CNOT6: variants seen among roughly 807,000 people sequenced by gnomAD.
CNOT6 encodes the protein CCR4-NOT transcription complex subunit 6, also known as carbon catabolite repression 4 protein.
A neutral mutation model predicts 61.2 loss-of-function variants in CNOT6; 12 were observed. The observed-to-expected ratio is 0.20, with a 90% confidence interval of 0.13 to 0.32. The LOEUF is 0.32. CNOT6 is among the 10% of genes least tolerant of loss of function. The pLI, the probability that CNOT6 is intolerant of heterozygous loss-of-function variation, is 1.00. For missense variants in CNOT6, 405 were observed against 663.9 expected, an observed-to-expected ratio of 0.61 and a Z score of 4.28; for synonymous variants, 225 against 240.6, an observed-to-expected ratio of 0.94 and a Z score of 0.60.
chr5:180,573,960 G>A, intron 11 of CNOT6, 28 bp from the exon 12 acceptor site: 1 of 1,473,456 alleles, frequency 6.8e-7, no homozygotes, highest in Non-Finnish European at 9.5e-7. Flanking sequence ...CTTATACGGT[G>A]CTTATCTTTT....
At chr5:180,526,982 C>A (rs113759387) in intron 1 of CNOT6, among the ~76,000 whole-genome samples, 2 of 151,538 alleles carry the variant, frequency 1.3e-5, no homozygotes, top group African/African-American at 4.8e-5. Context: ...TGGGTTCAAG[C>A]GATCCTCCCA....
chr5:180,564,420 G>A, intron 4 of CNOT6, 69 bp from the exon 5 acceptor site: 1 of 1,000,534 alleles, frequency 1.0e-6, no homozygotes, highest in Non-Finnish European at 1.6e-6. Flanking sequence ...TGATAATTTT[G>A]ATACATTTTA....
intron 2 of CNOT6, among the ~76,000 whole-genome samples, chr5:180,531,318 G>T (rs113327782): frequency 6.7e-6 from 1 of 150,364 alleles, no homozygotes; most frequent in Non-Finnish European, 1.5e-5. Flanking sequence ...GGTAGCGGTC[G>T]GGCAGAGACA....
At chr5:180,495,978 T>C (rs1756595794) in intron 1 of CNOT6, among the ~76,000 whole-genome samples, 1 of 152,184 alleles carries the variant, frequency 6.6e-6, no homozygotes, top group Admixed American at 6.5e-5. Flanking sequence ...GTGGCACAGT[T>C]CTCGGCTCAC....
At chr5:180,509,126 A>T (rs1471324609) in intron 1 of CNOT6, among the ~76,000 whole-genome samples, 1 of 150,182 alleles carries the variant, frequency 6.7e-6, no homozygotes, top group Non-Finnish European at 1.5e-5. Context: ...GGCCTATTTT[A>T]TTTTATTTTT....
Position 180,571,348 on chromosome 5 carries a change from T to C in CNOT6, c.1377T>C (p.Asn459=), listed in dbSNP as rs951305900. 1 of 1,614,098 alleles carries C rather than the reference T, an allele frequency of 6.2e-7. No individual in the cohort carries two copies. The highest frequency in any genetic ancestry group is 1.7e-5 in the Admixed American group (1 of 60,026). Residue 459 remains asparagine (N), a synonymous_variant, in exon 11 of 12, where the codon AAT becomes AAC. Coordinates refer to ENST00000261951, the MANE Select transcript of CNOT6 (RefSeq NM_001370472.1). The part of the protein sequence containing the change: ...FSCHGKNGTT[N]GRITHGFKLQ... ...GTCATGGGAAGAATGGAACCACCAA[T>C]GGAAGGATCACTCATGGTTTCAAGT...
chr5:180,507,032 T>G (rs888475280), intron 1 of CNOT6, among the ~76,000 whole-genome samples: 1 of 152,096 alleles, frequency 6.6e-6, no homozygotes, highest in African/African-American at 2.4e-5. Flanking sequence ...ACTTCTGTGT[T>G]TGGGAGGGAT....
chr5:180,571,392 G>A lies in CNOT6; in HGVS notation c.1421G>A (p.Ser474Asn). 1 of 1,614,180 alleles carries A rather than the reference G, an allele frequency of 6.2e-7. No individual in the cohort carries two copies. The highest frequency in any genetic ancestry group is 2.2e-5 in the East Asian group (1 of 44,876). Residue 474 changes from serine (S) to asparagine (N), a missense_variant, in exon 11 of 12, where the codon AGT (serine) becomes AAT (asparagine). By Grantham distance (46) the Ser-to-Asn change is conservative. Coordinates refer to ENST00000261951, the MANE Select transcript of CNOT6 (RefSeq NM_001370472.1). ...TTCAAGTTACAGAGTGCCTATGAGA[G>A]TGGCCTGATGCCTTACACGAATTAC... ...HGFKLQSAYE[S>N]GLMPYTNYTF... is the part of the protein sequence containing the mutation.
intron 4 of CNOT6, among the ~76,000 whole-genome samples, chr5:180,560,519 C>A (rs919152479): frequency 6.6e-6 from 1 of 152,050 alleles, no homozygotes; most frequent in Non-Finnish European, 1.5e-5. Context: ...ACAGTTCTTT[C>A]GACACCTGAA....
intron 11 of CNOT6, among the ~76,000 whole-genome samples, chr5:180,573,226 C>T (rs1304084486): frequency 6.6e-6 from 1 of 152,076 alleles, no homozygotes; most frequent in Non-Finnish European, 1.5e-5. Context: ...AGGACCAGAA[C>T]CATCAGATGG....
At chr5:180,523,050 C>T (rs1202108574) in intron 1 of CNOT6, among the ~76,000 whole-genome samples, 1 of 152,092 alleles carries the variant, frequency 6.6e-6, no homozygotes, top group Non-Finnish European at 1.5e-5. Flanking sequence ...TGGGACTCAG[C>T]CCATAATCTC....
At chr5:180,496,826 G>A (rs1756633744) in intron 1 of CNOT6, among the ~76,000 whole-genome samples, 1 of 152,188 alleles carries the variant, frequency 6.6e-6, no homozygotes, top group Admixed American at 6.5e-5. Flanking sequence ...CTTGATAGTG[G>A]TGATGCAGCC....
chr5:180,539,295 C>A (rs533220024), intron 2 of CNOT6, among the ~76,000 whole-genome samples: 2,316 of 136,090 alleles, frequency 0.017, 23 homozygotes, highest in South Asian at 0.025. Context: ...AACAAACAAA[C>A]AAAAAAAAAC....
At chr5:180,512,409 G>C (rs1164599436) in intron 1 of CNOT6, among the ~76,000 whole-genome samples, 1 of 152,200 alleles carries the variant, frequency 6.6e-6, no homozygotes, top group Non-Finnish European at 1.5e-5. Flanking sequence ...AAAAGATATA[G>C]AAGGAAATAT....
chr5:180,515,904 A>T (rs2642164), intron 1 of CNOT6, among the ~76,000 whole-genome samples: 151,524 of 151,952 alleles, frequency 1, 75,550 homozygotes, highest in Middle Eastern at 1. Context: ...ATTCAAGATT[A>T]AAAAAAAAAA....
intron 1 of CNOT6, among the ~76,000 whole-genome samples, chr5:180,519,387 T>G (rs1757785318): frequency 6.6e-6 from 1 of 152,210 alleles, no homozygotes; most frequent in South Asian, 2.1e-4. Flanking sequence ...TACTGATAAC[T>G]TTTGCATTAA....
intron 4 of CNOT6, among the ~76,000 whole-genome samples, chr5:180,560,179 T>A (rs1278152053): frequency 6.6e-6 from 1 of 152,120 alleles, no homozygotes; most frequent in Non-Finnish European, 1.5e-5. Context: ...ACTCCTGACC[T>A]CATGATCCAC....
intron 11 of CNOT6, among the ~76,000 whole-genome samples, 182 bp downstream of exon 11, chr5:180,571,614 G>A (rs1760752748): frequency 1.3e-5 from 2 of 152,196 alleles, no homozygotes; most frequent in East Asian, 3.8e-4. Context: ...TACCCAGGCT[G>A]GAGTGCAGTG....
intron 1 of CNOT6, among the ~76,000 whole-genome samples, chr5:180,496,993 A>C (rs534318179): frequency 6.6e-6 from 1 of 152,318 alleles, no homozygotes; most frequent in East Asian, 1.9e-4. Flanking sequence ...AAATGTGTAA[A>C]GGCGTTGTAG....
Sources: allele counts gnomAD v4.1 joint callset (sites outside exome capture counted in the v4.1 genomes callset), GRCh38; gene constraint gnomAD v4.1.1; transcripts MANE v1.5; gene names NCBI Gene and HGNC (gene_info 2026-07-23, HGNC 2026-07-21).